Variants in FITM2 observed in about 807,000 individuals in gnomAD.
FITM2 encodes the protein acyl-coenzyme A diphosphatase FITM2.
FITM2 carries 16 observed loss-of-function variants against 23.3 expected under a neutral mutation model. That is an observed-to-expected ratio of 0.69 (90% CI 0.47 to 1.05). The LOEUF (loss-of-function observed/expected upper bound fraction) is 1.05, where lower values mean the gene tolerates loss of function less well. Among genes scored for constraint, FITM2 ranks in the 50% least tolerant of loss-of-function variants. FITM2 has a pLI of 0.00. For synonymous variants in FITM2, 132 were observed against 142.0 expected, an observed-to-expected ratio of 0.93 and a Z score of 0.50; for missense variants, 273 against 327.5, an observed-to-expected ratio of 0.83 and a Z score of 1.29.
In FITM2 at chr20:44,306,369, T is replaced by C; in HGVS notation, c.*256A>G. On this transcript the variant is annotated 3_prime_UTR_variant, in exon 2 of 2. Transcript: ENST00000396825. The stretch of plus-strand genomic sequence containing the variant: ...GTCCCCACTCTAGGGACAAAAGGAG[T>C]GTTCCAGATAAAGGTCAAGTCTTAC... 2.4e-6 allele frequency: 1 copy of C among 416,632 alleles called. No individual in the cohort carries two copies. The highest frequency in any genetic ancestry group is 4.4e-6 in the Non-Finnish European group (1 of 224,730). 25.8% of individuals were successfully genotyped at this position (416,632 alleles called of 1,614,324 possible). A position where few individuals can be genotyped will look rare whatever the true frequency, so the allele number is the denominator to read the frequency against.
In FITM2 at chr20:44,303,169, C is replaced by A. The variant is rs962088188; in HGVS notation, c.*3456G>T. On this transcript the variant is annotated 3_prime_UTR_variant, in exon 2 of 2. Coordinates refer to ENST00000396825, the MANE Select transcript of FITM2 (RefSeq NM_001080472.4). ...CCTTCTCTAGAGGAGTCAGAAAGTT[C>A]TAAAGGCTTACTCAAGAAAAAGGAG... The A allele has an allele frequency of 4.6e-5, 7 of 152,172 alleles. No homozygotes were observed. The highest frequency in any genetic ancestry group is 1.0e-4 in the Non-Finnish European group (7 of 68,038). 9.4% of individuals were successfully genotyped at this position (152,172 alleles called of 1,614,324 possible).
intron 1 of FITM2, among the ~76,000 whole-genome samples, chr20:44,309,119 G>A (rs189134948): frequency 2.9e-4 from 43 of 148,046 alleles, no homozygotes; most frequent in Admixed American, 1.5e-3. Flanking sequence ...CTCAGCCTCC[G>A]GAGTAGCTGG....
rs2062683559 is a variant in FITM2, at chr20:44,304,011, C to T, written c.*2614G>A. 1 of 152,216 alleles carries T rather than the reference C, an allele frequency of 6.6e-6. No homozygotes were observed. The highest frequency in any genetic ancestry group is 2.4e-5 in the African/African-American group (1 of 41,450). The allele number at this position is 152,216 out of a possible 1,614,324, so 9.4% of individuals were successfully genotyped here. ...GGGCATAGGCAACAGAGGGTCACAT[C>T]TTACCAACGCCTCCAAAGCACCATG... On this transcript the variant is annotated 3_prime_UTR_variant, in exon 2 of 2. Transcript: ENST00000396825.
chr20:44,304,072 C>T lies in FITM2; in HGVS notation c.*2553G>A, dbSNP rs1308749333. 6.6e-6 allele frequency: 1 copy of T among 152,218 alleles called. No homozygotes were observed. Among genetic ancestry groups the T allele is most frequent in the Non-Finnish European group, 1.5e-5 (1 of 68,054 alleles). The allele number at this position is 152,218 out of a possible 1,614,324, so 9.4% of individuals were successfully genotyped here. A position where few individuals can be genotyped will look rare whatever the true frequency, so the allele number is the denominator to read the frequency against. ...CCATATCTCATCACCTGTGTTTCTG[C>T]TCCTTTTGGGTGCAACAAATCATGA... On this transcript the variant is annotated 3_prime_UTR_variant, in exon 2 of 2. Coordinates refer to ENST00000396825, the MANE Select transcript of FITM2 (RefSeq NM_001080472.4).
Position 44,307,112 on chromosome 20 carries a change from G to A in FITM2, c.302C>T (p.Thr101Met), listed in dbSNP as rs139282150. Residue 101 changes from threonine (T) to methionine (M), a missense_variant, in exon 2 of 2, where the codon ACG (threonine) becomes ATG (methionine). Around this residue, in one of 3 missense-constraint regions of FITM2, gnomAD observed 117 missense variants for 183.3 expected, o/e 0.64. Coordinates refer to ENST00000396825, the MANE Select transcript of FITM2 (RefSeq NM_001080472.4). ...GGAGGTGCAGATGTACCAGATGGCC[G>A]TGCCCACAAGCAGGGTGCTCAGCCG... is the stretch of plus-strand genomic sequence containing the variant. ...LRRLSTLLVG[T>M]AIWYICTSIF... The A allele has an allele frequency of 1.1e-5, 17 of 1,614,062 alleles. No individual in the cohort carries two copies. The highest frequency in any genetic ancestry group is 1.6e-4 in the Middle Eastern group (1 of 6,084).
intron 1 of FITM2, among the ~76,000 whole-genome samples, chr20:44,309,333 C>A (rs971878234): frequency 6.6e-6 from 1 of 152,146 alleles, no homozygotes; most frequent in Non-Finnish European, 1.5e-5. Flanking sequence ...GCACGCACCA[C>A]CACGCCAGGC....
intron 1 of FITM2, among the ~76,000 whole-genome samples, chr20:44,310,671 G>A (rs984292794): frequency 4.6e-5 from 7 of 152,104 alleles, no homozygotes; most frequent in African/African-American, 1.7e-4. Flanking sequence ...TGGTGACAGG[G>A]GCTGGTTCAT....
At chr20:44,310,538 G>A (rs904389192) in intron 1 of FITM2, among the ~76,000 whole-genome samples, 3 of 152,156 alleles carry the variant, frequency 2.0e-5, no homozygotes, top group African/African-American at 7.2e-5. Context: ...GCGCTGGAGG[G>A]ATCTGATCTG....
In FITM2 at chr20:44,306,266, A is replaced by G. The variant is rs1228193795; in HGVS notation, c.*359T>C. Reference sequence around the variant, plus strand: ...ACTGGAACCAGGGAGAAGGCAGCAAAGGAGTCCCAAGGCTCTGGCCACTCC... The same window carrying G: ...ACTGGAACCAGGGAGAAGGCAGCAAGGGAGTCCCAAGGCTCTGGCCACTCC... On this transcript the variant is annotated 3_prime_UTR_variant, in exon 2 of 2. Coordinates refer to ENST00000396825, the MANE Select transcript of FITM2 (RefSeq NM_001080472.4). 8.8e-6 allele frequency: 2 copies of G among 226,934 alleles called. No individual in the cohort carries two copies. Among genetic ancestry groups the G allele is most frequent in the Admixed American group, 5.2e-5 (1 of 19,328 alleles). The allele number at this position is 226,934 out of a possible 1,614,324, so 14.1% of individuals were successfully genotyped here. A position where few individuals can be genotyped will look rare whatever the true frequency, so the allele number is the denominator to read the frequency against.
chr20:44,305,013 A>C lies in FITM2; in HGVS notation c.*1612T>G, dbSNP rs2062685793. 6.6e-6 allele frequency: 1 copy of C among 152,144 alleles called. No individual in the cohort carries two copies. The highest frequency in any genetic ancestry group is 2.4e-5 in the African/African-American group (1 of 41,420). 9.4% of individuals were successfully genotyped at this position (152,144 alleles called of 1,614,324 possible). ...GCCAGGATTATAGGTGTGAGCCACT[A>C]CACCTGGCCCAGGTTTCATTGCTAA... is the stretch of plus-strand genomic sequence containing the variant. On this transcript the variant is annotated 3_prime_UTR_variant, in exon 2 of 2. Coordinates refer to ENST00000396825, the MANE Select transcript of FITM2 (RefSeq NM_001080472.4).
Position 44,303,988 on chromosome 20 carries a change from G to T in FITM2, c.*2637C>A, listed in dbSNP as rs1418639357. ...GGCCACTCCCACCACTGGTTTATGG[G>T]CATAGGCAACAGAGGGTCACATCTT... On this transcript the variant is annotated 3_prime_UTR_variant, in exon 2 of 2. Transcript: ENST00000396825. 6.6e-6 allele frequency: 1 copy of T among 152,010 alleles called. No individual in the cohort carries two copies. Among genetic ancestry groups the T allele is most frequent in the African/African-American group, 2.4e-5 (1 of 41,354 alleles). 9.4% of individuals were successfully genotyped at this position (152,010 alleles called of 1,614,324 possible).
intron 1 of FITM2, among the ~76,000 whole-genome samples, chr20:44,308,123 A>G (rs992195436): frequency 1.3e-5 from 2 of 152,104 alleles, no homozygotes; most frequent in Non-Finnish European, 2.9e-5. Context: ...AAACAACTCT[A>G]TGAGTTAAGT....
intron 1 of FITM2, 97 bp downstream of exon 1, chr20:44,310,879 A>C: frequency 6.9e-7 from 1 of 1,442,506 alleles, no homozygotes; most frequent in Non-Finnish European, 9.2e-7. Flanking sequence ...CTCCCCTCCA[A>C]TGACTCGTCC....
rs998882269 is a variant in FITM2 at position 44,310,962 on chromosome 20, C to G, written c.173+14G>C. 2 of 1,537,510 alleles carry G rather than the reference C, an allele frequency of 1.3e-6. No homozygotes were observed. The highest frequency in any genetic ancestry group is 1.8e-6 in the Non-Finnish European group (2 of 1,139,024). On this transcript the variant is annotated intron_variant, in intron 1 of 1. Transcript: ENST00000396825. ...GGCTCGGGCGGGGACAGCGGAGGACCGGGGTGCACTCACACGTTGAGGACG... is the reference window on the plus strand; with the variant it reads ...GGCTCGGGCGGGGACAGCGGAGGACGGGGGTGCACTCACACGTTGAGGACG...
rs1425128874 is a variant in FITM2, at chr20:44,306,846, T to C, written c.568A>G (p.Thr190Ala). 1 of 1,613,884 alleles carries C rather than the reference T, an allele frequency of 6.2e-7. No individual in the cohort carries two copies. The highest frequency in any genetic ancestry group is 2.2e-5 in the East Asian group (1 of 44,872). ...AGAATGCCCAGGGCCACAACCAGGGTGGTGATGGCGGTGTGGAGGCAGTGG... is the reference window on the plus strand; with the variant it reads ...AGAATGCCCAGGGCCACAACCAGGGCGGTGATGGCGGTGTGGAGGCAGTGG... ...RSHCLHTAIT[T>A]LVVALGILTF... Residue 190 changes from threonine to alanine, a missense_variant, in exon 2 of 2, where the codon ACC (threonine) becomes GCC (alanine). Transcript: ENST00000396825.
At chr20:44,307,895 G>A (rs1429368597) in intron 1 of FITM2, among the ~76,000 whole-genome samples, 1 of 151,938 alleles carries the variant, frequency 6.6e-6, no homozygotes, top group Non-Finnish European at 1.5e-5. Context: ...AGACCATCCT[G>A]GCTAACATGG....
chr20:44,306,961 G>A lies in FITM2; in HGVS notation c.453C>T (p.Asp151=), dbSNP rs2062691907. 2.5e-6 allele frequency: 4 copies of A among 1,614,094 alleles called. No individual in the cohort carries two copies. In the South Asian group the frequency reaches 3.3e-5, roughly 13 times the overall value. Residue 151 remains aspartate (D), a synonymous_variant, in exon 2 of 2, where the codon GAC becomes GAT. Transcript: ENST00000396825. ...TCAGCAGGAAGGAGTGACCTGAGAT[G>A]TCAAAGCCATGCCAAAAGCCCCCTT... ...HQEGGFWHGF[D]ISGHSFLLTF...
chr20:44,311,122 C>A lies in FITM2; in HGVS notation c.27G>T (p.Trp9Cys). MEHLERCEWLLRGTLVRAA... is the reference protein window; with the variant it reads MEHLERCECLLRGTLVRAA... ...CCCGCACCAGCGTCCCCCGCAACAA[C>A]CACTCGCAGCGCTCCAGATGCTCCA... The change falls in exon 1 of 2, where the codon TGG (tryptophan) becomes TGT (cysteine). Residue 9 changes from tryptophan to cysteine, a missense_variant. This residue lies in a region of FITM2 where 123 missense variants were observed against 117.9 expected (regional missense o/e 1.04). Transcript: ENST00000396825. 1 of 1,612,942 alleles carries A rather than the reference C, an allele frequency of 6.2e-7. No homozygotes were observed. The highest frequency in any genetic ancestry group is 8.5e-7 in the Non-Finnish European group (1 of 1,179,522).
At chr20:44,310,120 A>C (rs2062700942) in intron 1 of FITM2, among the ~76,000 whole-genome samples, 1 of 152,192 alleles carries the variant, frequency 6.6e-6, no homozygotes, top group Non-Finnish European at 1.5e-5. Flanking sequence ...CAGGGTTTTA[A>C]GCAGATAACC....
Sources: gnomAD v4.1 joint callset for allele counts (sites outside exome capture counted in the v4.1 genomes callset) on GRCh38, gnomAD v4.1.1 for gene constraint, gnomAD v4.1.1 regional missense constraint, MANE v1.5 for transcripts, NCBI Gene and HGNC (gene_info 2026-07-23, HGNC 2026-07-21) for gene names.